TLE2: variants seen among roughly 807,000 people sequenced by gnomAD.
TLE2 encodes the protein TLE family member 2, transcriptional corepressor.
TLE2 carries 74 observed loss-of-function variants against 97.2 expected under a neutral mutation model. The observed-to-expected ratio is 0.76, with a 90% confidence interval of 0.63 to 0.92. The LOEUF (loss-of-function observed/expected upper bound fraction) is 0.92. Ranked by LOEUF, TLE2 falls within the 40% of genes least tolerant of loss-of-function variation. The pLI is 0.00. For synonymous variants in TLE2, 499 were observed against 432.1 expected, an observed-to-expected ratio of 1.15 and a Z score of -1.92; for missense variants, 1,038 against 1,008.7, an observed-to-expected ratio of 1.03 and a Z score of -0.39.
chr19:3,019,638 G>C lies in TLE2; in HGVS notation c.369+61C>G. 1 of 1,571,880 alleles carries C rather than the reference G, an allele frequency of 6.4e-7. No individual in the cohort carries two copies. The highest frequency in any genetic ancestry group is 1.2e-5 in the South Asian group (1 of 85,954). ...CCCCAGCTTTAACACCTCCTGGGTG[G>C]GTGCCAGGGACCTGGGAGTGGGCGT... On this transcript the variant is annotated intron_variant, in intron 6 of 19. Transcript: ENST00000262953. This position sits in a 1 kb window ranked among gnomAD's most constrained non-coding sequence, Gnocchi z 5.1.
chr19:3,014,670 C>T (rs1039146141), intron 9 of TLE2, 56 bp from the exon 10 acceptor site: 4 of 1,467,426 alleles, frequency 2.7e-6, no homozygotes, highest in Non-Finnish European at 2.7e-6. Flanking sequence ...CTCCACACCC[C>T]CTATCCGCTC....
At chr19:3,014,020 C>G (rs886169440) in intron 10 of TLE2, among the ~76,000 whole-genome samples, 3 of 151,716 alleles carry the variant, frequency 2.0e-5, no homozygotes, top group African/African-American at 7.3e-5. Context: ...GCTCCGTTAC[C>G]CAGGCTGGAG....
intron 1 of TLE2, among the ~76,000 whole-genome samples, chr19:3,043,635 T>TAA (rs2090120953): frequency 1.8e-5 from 2 of 111,446 alleles, no homozygotes; most frequent in Admixed American, 8.9e-5. Flanking sequence ...CCGTCTCTAC[T>TAA]AAAAATACAA....
At chr19:3,035,035 C>A (rs1441681384) in intron 1 of TLE2, among the ~76,000 whole-genome samples, 2 of 152,222 alleles carry the variant, frequency 1.3e-5, no homozygotes, top group African/African-American at 4.8e-5. Context: ...AGGCACACTG[C>A]ACCGGGGAGG....
chr19:3,034,019 G>A (rs915514749), upstream of TLE2, among the ~76,000 whole-genome samples: 1 of 151,884 alleles, frequency 6.6e-6, no homozygotes, highest in Non-Finnish European at 1.5e-5. Flanking sequence ...CACCACCTCC[G>A]GTTCCTACTC....
upstream of TLE2, among the ~76,000 whole-genome samples, chr19:3,033,409 C>T (rs548109859): frequency 3.3e-4 from 50 of 152,192 alleles, 1 homozygote; most frequent in Admixed American, 1.6e-3. Flanking sequence ...CCTCGTGATC[C>T]GCCCGCCTCA....
intron 1 of TLE2, among the ~76,000 whole-genome samples, chr19:3,037,091 C>T (rs1180007625): frequency 9.2e-5 from 14 of 152,204 alleles, no homozygotes. Context: ...TCGAGACCAG[C>T]CTGGCCAACA....
chr19:3,040,262 G>A (rs2090090356), intron 1 of TLE2, among the ~76,000 whole-genome samples: 1 of 152,158 alleles, frequency 6.6e-6, no homozygotes, highest in African/African-American at 2.4e-5. Flanking sequence ...CGCCCAGCCT[G>A]GTCCCCCTGG....
chr19:3,008,787 C>G, intron 14 of TLE2, 82 bp downstream of exon 14: 1 of 1,193,258 alleles, frequency 8.4e-7, no homozygotes, highest in South Asian at 1.9e-5. Flanking sequence ...GCAGGGAGAC[C>G]CCAACCACAG....
intron 1 of TLE2, among the ~76,000 whole-genome samples, chr19:3,043,523 C>A (rs1275430477): frequency 6.6e-6 from 1 of 151,828 alleles, no homozygotes; most frequent in Non-Finnish European, 1.5e-5. Flanking sequence ...CTGGGACCTG[C>A]ATCATGGGTC....
Position 3,013,796 on chromosome 19 carries a change from C to G in TLE2, c.746G>C (p.Ser249Thr). Residue 249 changes from serine to threonine, a missense_variant, in exon 11 of 20, where the codon AGC becomes ACC. By Grantham distance (58) the Ser-to-Thr change is moderately conservative (BLOSUM62 1). Coordinates refer to ENST00000262953, the MANE Select transcript of TLE2 (RefSeq NM_003260.5). ...CTTTCCGCAGGGGGTGGTAGCCGGGCTGGGGGGCTCTGAGGGTTGGTCCTG... is the reference window on the plus strand; with the variant it reads ...CTTTCCGCAGGGGGTGGTAGCCGGGGTGGGGGGCTCTGAGGGTTGGTCCTG... ...VDEDQPSEPP[S>T]PATTPCGKVP... 3 of 1,549,814 alleles carry G rather than the reference C, an allele frequency of 1.9e-6. No individual in the cohort carries two copies. The highest frequency in any genetic ancestry group is 2.6e-6 in the Non-Finnish European group (3 of 1,152,802).
At chr19:3,004,475 C>T (rs775020913) in intron 17 of TLE2, among the ~76,000 whole-genome samples, 13 of 151,748 alleles carry the variant, frequency 8.6e-5, no homozygotes, top group East Asian at 3.9e-4. Context: ...CTGTCTCTAC[C>T]GACAAATACA....
At chr19:3,006,191 C>T in intron 15 of TLE2, 1 of 964,580 alleles carries the variant, frequency 1.0e-6, no homozygotes, top group Non-Finnish European at 1.7e-6. Flanking sequence ...CATGGTTGGC[C>T]TGCAAACCCT....
rs1271999718 is a variant in TLE2 at position 3,006,436 on chromosome 19, G to T, written c.1484C>A (p.Ala495Asp). Residue 495 changes from alanine (A) to aspartate (D), a missense_variant, in exon 15 of 20, where the codon GCC becomes GAC. Ala to Asp is a moderately radical substitution (Grantham distance 126, BLOSUM62 -2). Coordinates refer to ENST00000262953, the MANE Select transcript of TLE2 (RefSeq NM_003260.5). ...CGCCCTCACCAGGCAGTCGAGCTGG[G>T]CCACGGGCGTCTTGGCCCCAGGCTG... ...VGQPGAKTPV[A>D]QLDCLNRDNY... The T allele has an allele frequency of 6.2e-7, 1 of 1,610,292 alleles. No homozygotes were observed. Among genetic ancestry groups the T allele is most frequent in the South Asian group, 1.1e-5 (1 of 90,840 alleles).
chr19:3,033,821 A>G (rs984453181), upstream of TLE2, among the ~76,000 whole-genome samples: 20 of 152,102 alleles, frequency 1.3e-4, no homozygotes, highest in African/African-American at 4.6e-4. Context: ...CCTGGGCAAC[A>G]TAGCGAGACC....
At chr19:3,022,559 AAT>A (rs1568246601) in intron 5 of TLE2, among the ~76,000 whole-genome samples, 7 of 152,290 alleles carry the variant, frequency 4.6e-5, no homozygotes. Context: ...TAAGGAAAAA[AAT>A]AATAGATTTA....
At chr19:3,013,567 T>C in intron 11 of TLE2, 102 bp downstream of exon 11, 1 of 1,137,252 alleles carries the variant, frequency 8.8e-7, no homozygotes, top group Non-Finnish European at 1.1e-6. Context: ...CCAGCCCGGC[T>C]GGCTGATTTC....
intron 1 of TLE2, among the ~76,000 whole-genome samples, chr19:3,036,554 C>T (rs1055890922): frequency 6.6e-6 from 1 of 152,242 alleles, no homozygotes; most frequent in Non-Finnish European, 1.5e-5. Flanking sequence ...TCCCCTCCCG[C>T]TGGCCCCGGG....
At chr19:3,029,495 C>G (rs2090003281), upstream of TLE2, 6 of 981,858 alleles carry the variant, frequency 6.1e-6, no homozygotes, top group Non-Finnish European at 7.2e-6. Flanking sequence ...CCCACCCCCT[C>G]CCGGAGGGGC....
Sources: gnomAD v4.1 joint callset for allele counts (sites outside exome capture counted in the v4.1 genomes callset) on GRCh38, gnomAD v4.1.1 for gene constraint, Gnocchi (gnomAD v3.1) non-coding constraint, MANE v1.5 for transcripts, NCBI Gene and HGNC (gene_info 2026-07-23, HGNC 2026-07-21) for gene names.